The following FSTL5 variants were observed in gnomAD, a reference collection of about 807,000 sequenced individuals.
The protein encoded by FSTL5 is follistatin like 5, also known as follistatin-related protein 5.
In FSTL5, 62 loss-of-function variants were observed where a neutral mutation model predicts 89.1. The ratio of observed to expected loss-of-function variants is 0.70; its 90% CI spans 0.57 to 0.86. The LOEUF (loss-of-function observed/expected upper bound fraction) is 0.86. FSTL5 is among the 40% of genes least tolerant of loss of function. The pLI, the probability that FSTL5 is intolerant of heterozygous loss-of-function variation, is 0.00. For synonymous variants in FSTL5, 383 were observed against 346.2 expected (o/e 1.11, Z -1.18); for missense variants, 1,057 against 1,001.6 (o/e 1.06, Z -0.75).
chr4:161,990,709 T>C (rs894394840), intron 3 of FSTL5, among the ~76,000 whole-genome samples: 1 of 152,166 alleles, frequency 6.6e-6, no homozygotes, highest in African/African-American at 2.4e-5. Context: ...TATATTAAGG[T>C]ATAATCTTGG....
At chr4:161,786,767 T>C (rs1267346803) in intron 4 of FSTL5, among the ~76,000 whole-genome samples, 1 of 152,116 alleles carries the variant, frequency 6.6e-6, no homozygotes, top group Non-Finnish European at 1.5e-5. Flanking sequence ...TAACCTCTAT[T>C]TTCCCATGAA....
chr4:162,086,662 T>C (rs1730334845), intron 2 of FSTL5, among the ~76,000 whole-genome samples: 1 of 151,992 alleles, frequency 6.6e-6, no homozygotes, highest in Non-Finnish European at 1.5e-5. Context: ...GTTTTTCCTC[T>C]TCTGGTTTCT....
chr4:161,682,889 G>T (rs1737572499), intron 6 of FSTL5, among the ~76,000 whole-genome samples: 1 of 152,030 alleles, frequency 6.6e-6, no homozygotes, highest in Non-Finnish European at 1.5e-5. Context: ...TAGGATTACA[G>T]GCATGCACCA....
chr4:161,584,596 T>C (rs1733543817), intron 8 of FSTL5, among the ~76,000 whole-genome samples: 1 of 152,194 alleles, frequency 6.6e-6, no homozygotes, highest in African/African-American at 2.4e-5. Context: ...TGTTCTCCTT[T>C]AAAAGAGTTA....
intron 7 of FSTL5, among the ~76,000 whole-genome samples, chr4:161,634,018 G>C (rs1227790074): frequency 1.3e-5 from 2 of 152,126 alleles, no homozygotes; most frequent in South Asian, 4.1e-4. Flanking sequence ...ATCTTTGTTG[G>C]ACAACGTATA....
chr4:161,674,012 G>T (rs1737214737), intron 6 of FSTL5, among the ~76,000 whole-genome samples: 1 of 151,848 alleles, frequency 6.6e-6, no homozygotes, highest in South Asian at 2.1e-4. Context: ...TAATAAGAGT[G>T]ACTTTATTTG....
intron 3 of FSTL5, among the ~76,000 whole-genome samples, chr4:161,961,113 CT>C (rs1385945509): frequency 6.6e-6 from 1 of 151,722 alleles, no homozygotes; most frequent in Non-Finnish European, 1.5e-5. Context: ...TCGATTATAT[CT>C]TTCTTTCTTT....
intron 15 of FSTL5, among the ~76,000 whole-genome samples, chr4:161,418,652 G>A (rs1409474113): frequency 6.6e-6 from 1 of 152,016 alleles, no homozygotes; most frequent in Non-Finnish European, 1.5e-5. Flanking sequence ...TTTTTATTTA[G>A]AAGACTGGTG....
At position 161,505,241 on chromosome 4, in the gene FSTL5, C is replaced by A. The variant is rs1399759816; in HGVS notation, c.1340-5107G>T. Among the ~76,000 whole-genome samples the A allele has an allele frequency of 2.0e-5, 3 of 152,090 alleles. No individual in the cohort carries two copies. In the East Asian group the frequency reaches 5.8e-4, roughly 29 times the overall value. On this transcript the variant is annotated intron_variant, in intron 11 of 15. Coordinates refer to ENST00000306100, the MANE Select transcript of FSTL5 (RefSeq NM_020116.5). Reference sequence around the variant, plus strand: ...ACTGAATAACTCAGCACGGATAGATCTTTGGTTCATGAATGTTCTCATTCA... The same window carrying A: ...ACTGAATAACTCAGCACGGATAGATATTTGGTTCATGAATGTTCTCATTCA...
chr4:161,587,646 T>C, intron 7 of FSTL5, 71 bp from the exon 8 acceptor site: 10 of 1,215,138 alleles, frequency 8.2e-6, no homozygotes, highest in Non-Finnish European at 1.2e-5. Context: ...TTTTAAAAGG[T>C]GTATTCAGGT....
intron 3 of FSTL5, among the ~76,000 whole-genome samples, chr4:161,975,210 C>G (rs1385475223): frequency 1.5e-5 from 2 of 135,010 alleles, no homozygotes; most frequent in African/African-American, 5.9e-5. Flanking sequence ...CCTCAGGGAT[C>G]TAGAACTAGA....
intron 7 of FSTL5, among the ~76,000 whole-genome samples, chr4:161,616,713 C>G (rs192871824): frequency 6.6e-6 from 1 of 151,848 alleles, no homozygotes; most frequent in Non-Finnish European, 1.5e-5. Context: ...GAGTGGGGTG[C>G]AGTGGGGTGA....
chr4:161,589,851 C>T (rs1316258051), intron 7 of FSTL5, among the ~76,000 whole-genome samples: 1 of 151,832 alleles, frequency 6.6e-6, no homozygotes, highest in Non-Finnish European at 1.5e-5. Context: ...GTGTGAATCC[C>T]TATTATCTCA....
At chr4:161,902,803 C>G (rs540844864) in intron 4 of FSTL5, among the ~76,000 whole-genome samples, 1 of 152,126 alleles carries the variant, frequency 6.6e-6, no homozygotes, top group South Asian at 2.1e-4. Flanking sequence ...GAGCCGAGAT[C>G]GCGCCACTGC....
At chr4:161,664,307 C>T (rs948476680) in intron 6 of FSTL5, among the ~76,000 whole-genome samples, 5 of 152,148 alleles carry the variant, frequency 3.3e-5, no homozygotes, top group Non-Finnish European at 7.4e-5. Context: ...TGCTCAGTTT[C>T]CCTTTTAAAA....
intron 4 of FSTL5, among the ~76,000 whole-genome samples, chr4:161,880,183 G>A (rs1428833486): frequency 6.6e-6 from 1 of 151,986 alleles, no homozygotes; most frequent in South Asian, 2.1e-4. Flanking sequence ...AAATTTTACT[G>A]CATGCAAATT....
At chr4:161,906,379 G>T (rs756006957) in intron 4 of FSTL5, among the ~76,000 whole-genome samples, 2 of 152,112 alleles carry the variant, frequency 1.3e-5, no homozygotes, top group Non-Finnish European at 1.5e-5. Context: ...ATAGCTAGAG[G>T]CTCGCTAAAA....
At chr4:161,429,179 G>A (rs1732268032) in intron 15 of FSTL5, among the ~76,000 whole-genome samples, 1 of 152,042 alleles carries the variant, frequency 6.6e-6, no homozygotes, top group East Asian at 1.9e-4. Flanking sequence ...TGGCTTGGAT[G>A]GCAGCTTAGT....
chr4:161,899,370 T>C (rs1182899020), intron 4 of FSTL5, among the ~76,000 whole-genome samples: 1 of 152,208 alleles, frequency 6.6e-6, no homozygotes, highest in African/African-American at 2.4e-5. Context: ...AGCTGTACTC[T>C]ACCCTTGTCA....
Sources: allele counts gnomAD v4.1 joint callset (sites outside exome capture counted in the v4.1 genomes callset), GRCh38; gene constraint gnomAD v4.1.1; transcripts MANE v1.5; gene names NCBI Gene and HGNC (gene_info 2026-07-23, HGNC 2026-07-21).